The following DLK2 variants were observed in gnomAD, a reference collection of about 807,000 sequenced individuals.
The protein encoded by DLK2 is protein delta homolog 2.
DLK2 carries 9 observed loss-of-function variants against 31.3 expected under a neutral mutation model. The observed-to-expected ratio is 0.29, with a 90% CI of 0.17 to 0.50. The LOEUF is 0.50. DLK2 is among the 20% of genes least tolerant of loss of function. The probability of loss-of-function intolerance (pLI) is 0.98; values close to 1 mark genes in which losing one functional copy is unlikely to be tolerated. For missense variants in DLK2, 387 were observed against 526.1 expected (o/e 0.74, Z 2.59); for synonymous variants, 169 against 201.2 (o/e 0.84, Z 1.35).
In DLK2 at chr6:43,454,830, A is replaced by T. The variant is rs1303125016; in HGVS notation, c.-5T>A. The T allele has an allele frequency of 1.3e-6, 2 of 1,545,538 alleles. No individual in the cohort carries two copies. The highest frequency in any genetic ancestry group is 2.8e-5 in the African/African-American group (2 of 72,232). On this transcript the variant is annotated 5_prime_UTR_variant, in exon 2 of 6. Coordinates refer to ENST00000372488, the MANE Select transcript of DLK2 (RefSeq NM_023932.4). ...GCAGCGGCAGCCGCTGGGCATGGTC[A>T]GCGCCGGCCCCAGGAGGGACGGACG...
chr6:43,450,985 A>G lies in DLK2; in HGVS notation c.706T>C (p.Cys236Arg). The G allele has an allele frequency of 6.2e-7, 1 of 1,614,116 alleles. No individual in the cohort carries two copies. The highest frequency in any genetic ancestry group is 8.5e-7 in the Non-Finnish European group (1 of 1,179,960). The change falls in exon 6 of 6, where the codon TGC becomes CGC. Residue 236 changes from cysteine (C) to arginine (R), a missense_variant. Cys to Arg is a radical substitution (Grantham distance 180, BLOSUM62 -3). Transcript: ENST00000372488. The surrounding 1 kb of genome is among the most constrained non-coding windows in gnomAD (Gnocchi z 4.5). Reference protein sequence around the residue: ...RCRDRVHDFDCLCPSGYGGKT... With the variant: ...RCRDRVHDFDRLCPSGYGGKT... ...CCACCATAGCCACTGGGGCAGAGGC[A>G]GTCGAAGTCGTGGACACGGTCCCGA... is the stretch of plus-strand genomic sequence containing the variant.
chr6:43,451,060 TGGTGCAGAA>T lies in DLK2; in HGVS notation c.622_630del (p.Phe208_Thr210del). Reference sequence around the variant, plus strand: ...CGGCTGGCACAGTCATCCAGGTTGATGGTGCAGAAGCGTCCAGCAAAGCCCTCAGGACAG... The same window carrying T: ...CGGCTGGCACAGTCATCCAGGTTGATGCGTCCAGCAAAGCCCTCAGGACAG... On this transcript the variant is annotated inframe_deletion, in exon 6 of 6. Transcript: ENST00000372488. This position sits in a 1 kb window ranked among gnomAD's most constrained non-coding sequence, Gnocchi z 4.4. The T allele has an allele frequency of 6.2e-7, 1 of 1,614,136 alleles. No homozygotes were observed. The highest frequency in any genetic ancestry group is 1.3e-5 in the African/African-American group (1 of 75,036).
rs1482315959 is a variant in DLK2 at position 43,453,152 on chromosome 6, C to G, written c.141-17G>C. On this transcript the variant is annotated splice_polypyrimidine_tract_variant and intron_variant, in intron 3 of 5. Coordinates refer to ENST00000372488, the MANE Select transcript of DLK2 (RefSeq NM_023932.4). This position sits in a 1 kb window ranked among gnomAD's most constrained non-coding sequence, Gnocchi z 4.1. The stretch of plus-strand genomic sequence containing the variant: ...GGGTCACACCTGACGGGGAGAAGCA[C>G]AGGGTCAGGGCTCTGGGTCATGGAT... The G allele has an allele frequency of 1.3e-6, 2 of 1,589,882 alleles. No individual in the cohort carries two copies. Among genetic ancestry groups the G allele is most frequent in the Non-Finnish European group, 1.7e-6 (2 of 1,163,480 alleles).
intron 4 of DLK2, among the ~76,000 whole-genome samples, chr6:43,452,576 G>A (rs1384782624): frequency 6.6e-6 from 1 of 152,096 alleles, no homozygotes; most frequent in Non-Finnish European, 1.5e-5. Context: ...ATTAGCTGAA[G>A]TGGCGGGTGC....
intron 4 of DLK2, among the ~76,000 whole-genome samples, chr6:43,452,630 T>C (rs1783815163): frequency 6.6e-6 from 1 of 152,146 alleles, no homozygotes; most frequent in South Asian, 2.1e-4. Flanking sequence ...GAGAATCACT[T>C]GAACCCAGGA....
Position 43,451,803 on chromosome 6 carries a change from T to C in DLK2, c.416+137A>G. ...ACCCTGAACTAGGAACACTTTGGCA[T>C]GCAGGGGTTTTATCTGAGTGTCCCC... On this transcript the variant is annotated intron_variant, in intron 5 of 5. Transcript: ENST00000372488. The surrounding 1 kb of genome is among the most constrained non-coding windows in gnomAD (Gnocchi z 4.4). The C allele has an allele frequency of 7.0e-7, 1 of 1,429,730 alleles. No homozygotes were observed. The highest frequency in any genetic ancestry group is 2.6e-4 in the Middle Eastern group (1 of 3,856). The allele number at this position is 1,429,730 out of a possible 1,614,324, so 88.6% of individuals were successfully genotyped here. A position where few individuals can be genotyped will look rare whatever the true frequency, so the allele number is the denominator to read the frequency against.
In DLK2 at chr6:43,453,245, G is replaced by GT. The variant is rs1411381907; in HGVS notation, c.141-111_141-110insA. 7.2e-7 allele frequency: 1 copy of GT among 1,396,042 alleles called. No homozygotes were observed. The highest frequency in any genetic ancestry group is 2.5e-5 in the East Asian group (1 of 39,732). 86.5% of individuals were successfully genotyped at this position (1,396,042 alleles called of 1,614,324 possible). Reference sequence around the variant, plus strand: ...AGAGGACATATGACAGCCCCTAAGGGAAAGCAGACCTGTCCCAGGTAGGTG... The same window carrying GT: ...AGAGGACATATGACAGCCCCTAAGGGTAAAGCAGACCTGTCCCAGGTAGGTG... On this transcript the variant is annotated intron_variant, in intron 3 of 5. Transcript: ENST00000372488. The surrounding 1 kb of genome is among the most constrained non-coding windows in gnomAD (Gnocchi z 4.1).
chr6:43,451,208 G>A lies in DLK2; in HGVS notation c.483C>T (p.Arg161=), dbSNP rs1040040579. ...DQGFALNFTC[R]CLVGFVGARC... is the part of the protein sequence containing the mutation. ...GGGCACCCACAAAGCCCACCAAGCA[G>A]CGGCACGTGAAGTTGAGAGCAAAGC... Residue 161 remains arginine, a synonymous_variant, in exon 6 of 6, where the codon CGC becomes CGT. Coordinates refer to ENST00000372488, the MANE Select transcript of DLK2 (RefSeq NM_023932.4). The surrounding 1 kb of genome is among the most constrained non-coding windows in gnomAD (Gnocchi z 4.4). The A allele has an allele frequency of 6.2e-7, 1 of 1,614,200 alleles. No individual in the cohort carries two copies. Among genetic ancestry groups the A allele is most frequent in the East Asian group, 2.2e-5 (1 of 44,870 alleles).
Position 43,454,833 on chromosome 6 carries a change from G to T in DLK2, c.-8C>A. On this transcript the variant is annotated 5_prime_UTR_variant, in exon 2 of 6. Transcript: ENST00000372488. ...GCGGCAGCCGCTGGGCATGGTCAGC[G>T]CCGGCCCCAGGAGGGACGGACGGAT... 6.5e-7 allele frequency: 1 copy of T among 1,544,380 alleles called. No homozygotes were observed.
Position 43,450,444 on chromosome 6 carries a change from G to T in DLK2, c.*95C>A. 1 of 1,384,566 alleles carries T rather than the reference G, an allele frequency of 7.2e-7. No individual in the cohort carries two copies. The highest frequency in any genetic ancestry group is 9.7e-7 in the Non-Finnish European group (1 of 1,028,208). 85.8% of individuals were successfully genotyped at this position (1,384,566 alleles called of 1,614,324 possible). On this transcript the variant is annotated 3_prime_UTR_variant, in exon 6 of 6. Coordinates refer to ENST00000372488, the MANE Select transcript of DLK2 (RefSeq NM_023932.4). The surrounding 1 kb of genome is among the most constrained non-coding windows in gnomAD (Gnocchi z 4.5). ...CTGGTGTGAGGCTGAGGTCTCCTCT[G>T]TGTGTGTACCCAAGCTGAAGGGTGG...
upstream of DLK2, chr6:43,456,148 GTC>G (rs1394303137): frequency 2.0e-5 from 3 of 149,212 alleles, no homozygotes; most frequent in Non-Finnish European, 3.0e-5. Context: ...CCTCCCTCAA[GTC>G]TCAGCCCTTC....
intron 1 of DLK2, 193 bp downstream of exon 1, chr6:43,455,202 G>T: frequency 1.7e-6 from 1 of 581,186 alleles, no homozygotes; most frequent in Non-Finnish European, 2.2e-6. Context: ...GCGGCCTCGA[G>T]CACGGAGGGG....
At position 43,450,926 on chromosome 6, in the gene DLK2, G is replaced by A. The variant is rs772196670; in HGVS notation, c.765C>T (p.Asp255=). The A allele has an allele frequency of 6.2e-7, 1 of 1,614,206 alleles. No homozygotes were observed. Among genetic ancestry groups the A allele is most frequent in the Non-Finnish European group, 8.5e-7 (1 of 1,180,036 alleles). Residue 255 remains aspartate, a synonymous_variant, in exon 6 of 6, where the codon GAC becomes GAT. Transcript: ENST00000372488. The surrounding 1 kb of genome is among the most constrained non-coding windows in gnomAD (Gnocchi z 4.5). ...GAGGGGTGTCCACTGTGGTTGGGGG[G>A]TCTGGGACAGGTAAGACAAGCTCAC... ...KTCELVLPVP[D]PPTTVDTPLG... is the part of the protein sequence containing the mutation.
In DLK2 at chr6:43,451,106, G is replaced by C. The variant is rs1783705160; in HGVS notation, c.585C>G (p.Arg195=). The C allele has an allele frequency of 6.2e-7, 1 of 1,614,232 alleles. No homozygotes were observed. The highest frequency in any genetic ancestry group is 1.3e-5 in the African/African-American group (1 of 75,062). ...NGATCLDGIN[R]FSCLCPEGFA... is the part of the protein sequence containing the mutation. ...AGCCCTCAGGACAGAGGCAGGAGAA[G>C]CGGTTTATGCCGTCAAGGCAGGTGG... Residue 195 remains arginine (R), a synonymous_variant, in exon 6 of 6, where the codon CGC becomes CGG. Transcript: ENST00000372488. The surrounding 1 kb of genome is among the most constrained non-coding windows in gnomAD (Gnocchi z 4.4).
At chr6:43,455,229 G>C (rs1783930067) in intron 1 of DLK2, 166 bp downstream of exon 1, 2 of 319,932 alleles carry the variant, frequency 6.3e-6, no homozygotes, top group Non-Finnish European at 9.0e-6. Flanking sequence ...GGGCCGGAGG[G>C]AAGGACGGTT....
At position 43,454,900 on chromosome 6, in the gene DLK2, G is replaced by A. The variant is rs1329089292; in HGVS notation, c.-55-20C>T. On this transcript the variant is annotated intron_variant, in intron 1 of 5. Transcript: ENST00000372488. ...GGACACCTGTGGGACGGCACCGGTT[G>A]GGAGGCGGCCGGACGCGGAGATAGC... The A allele has an allele frequency of 6.6e-7, 1 of 1,522,904 alleles. No homozygotes were observed. The highest frequency in any genetic ancestry group is 8.8e-7 in the Non-Finnish European group (1 of 1,139,226). The allele number at this position is 1,522,904 out of a possible 1,614,324, so 94.3% of individuals were successfully genotyped here.
At chr6:43,455,129 A>C in intron 1 of DLK2, 1 of 977,886 alleles carries the variant, frequency 1.0e-6, no homozygotes, top group South Asian at 4.7e-5. Context: ...AGGCGCGGGA[A>C]TGGCTGGGGT....
Position 43,453,046 on chromosome 6 carries a change from C to A in DLK2, c.230G>T (p.Cys77Phe), listed in dbSNP as rs1433084149. ...GCCTGCCCAGCCACTGTGGCAGATG[C>A]ACTGCCATGGCTGGTGGCAGGTACC... is the stretch of plus-strand genomic sequence containing the variant. ...QHGTCHQPWQ[C>F]ICHSGWAGKF... The change falls in exon 4 of 6, where the codon TGC (cysteine) becomes TTC (phenylalanine). Residue 77 changes from cysteine to phenylalanine, a missense_variant. By Grantham distance (205) the Cys-to-Phe change is radical (BLOSUM62 -2). Coordinates refer to ENST00000372488, the MANE Select transcript of DLK2 (RefSeq NM_023932.4). The surrounding 1 kb of genome is among the most constrained non-coding windows in gnomAD (Gnocchi z 4.1). The A allele has an allele frequency of 6.2e-7, 1 of 1,614,046 alleles. No individual in the cohort carries two copies. Among genetic ancestry groups the A allele is most frequent in the African/African-American group, 1.3e-5 (1 of 74,948 alleles).
rs1242857598 is a variant in DLK2 at position 43,453,558 on chromosome 6, C to T, written c.141-423G>A. Reference sequence around the variant, plus strand: ...CTGTAATCCCAGCACTTTGGGAGGTCGAGGCAGGTGGATCACTTGAGGTCA... The same window carrying T: ...CTGTAATCCCAGCACTTTGGGAGGTTGAGGCAGGTGGATCACTTGAGGTCA... On this transcript the variant is annotated intron_variant, in intron 3 of 5. Coordinates refer to ENST00000372488, the MANE Select transcript of DLK2 (RefSeq NM_023932.4). The surrounding 1 kb of genome is among the most constrained non-coding windows in gnomAD (Gnocchi z 4.1). Among the ~76,000 whole-genome samples, 1 of 152,132 alleles carries T rather than the reference C, an allele frequency of 6.6e-6. No individual in the cohort carries two copies. Among genetic ancestry groups the T allele is most frequent in the East Asian group, 1.9e-4 (1 of 5,192 alleles).
Sources: gnomAD v4.1 joint callset for allele counts (sites outside exome capture counted in the v4.1 genomes callset) on GRCh38, gnomAD v4.1.1 for gene constraint, Gnocchi (gnomAD v3.1) non-coding constraint, MANE v1.5 for transcripts, NCBI Gene and HGNC (gene_info 2026-07-23, HGNC 2026-07-21) for gene names.